The following CAND2 variants were observed in gnomAD, a reference collection of about 807,000 sequenced individuals.
CAND2 encodes cullin associated and neddylation dissociated 2 (putative), also known as cullin-associated NEDD8-dissociated protein 2.
In CAND2, 62 loss-of-function variants were observed where a neutral mutation model predicts 98.9. The observed-to-expected ratio is 0.63, with a 90% CI of 0.51 to 0.77. The LOEUF is 0.77. CAND2 is among the 30% of genes least tolerant of loss of function. The pLI, the probability that CAND2 is intolerant of heterozygous loss-of-function variation, is 0.00. For missense variants in CAND2, 1,501 were observed against 1,655.2 expected, an observed-to-expected ratio of 0.91 and a Z score of 1.62; for synonymous variants, 770 against 731.9, an observed-to-expected ratio of 1.05 and a Z score of -0.84.
Position 12,810,230 on chromosome 3 carries a change from G to A in CAND2, c.663G>A (p.Arg221=), listed in dbSNP as rs950998440. 18 of 1,537,154 alleles carry A rather than the reference G, an allele frequency of 1.2e-5. No homozygotes were observed. The Admixed American group carries it at 1.8e-4, about 15-fold the overall frequency. The change falls in exon 5 of 15, where the codon CGG becomes CGA. Residue 221 remains arginine, a synonymous_variant. Coordinates refer to ENST00000456430, the MANE Select transcript of CAND2 (RefSeq NM_001162499.2). ...AGCTCGCTGACCACCTACTGGACCGGCTGCCCGGCCCGCGGGTGCCCACCA... is the reference window on the plus strand; with the variant it reads ...AGCTCGCTGACCACCTACTGGACCGACTGCCCGGCCCGCGGGTGCCCACCA... ...FVELADHLLD[R]LPGPRVPTSP...
In CAND2 at chr3:12,816,634, G is replaced by A. The variant is rs2061905711; in HGVS notation, c.1702G>A (p.Gly568Arg). Residue 568 changes from glycine (G) to arginine (R), a missense_variant, in exon 10 of 15, where the codon GGA becomes AGA. Coordinates refer to ENST00000456430, the MANE Select transcript of CAND2 (RefSeq NM_001162499.2). ...GATGCTGGATCCTGAGCCATATGTTGGAGAGATGTCTGCTGTCACCCTGGC... is the reference window on the plus strand; with the variant it reads ...GATGCTGGATCCTGAGCCATATGTTAGAGAGATGTCTGCTGTCACCCTGGC... ...PRMLDPEPYV[G>R]EMSAVTLARL... 6.2e-7 allele frequency: 1 copy of A among 1,613,780 alleles called. No individual in the cohort carries two copies. The highest frequency in any genetic ancestry group is 8.5e-7 in the Non-Finnish European group (1 of 1,180,044).
At chr3:12,824,735 C>A (rs964355503) in intron 11 of CAND2, among the ~76,000 whole-genome samples, 1 of 152,046 alleles carries the variant, frequency 6.6e-6, no homozygotes, top group Non-Finnish European at 1.5e-5. Context: ...TGGTGAAACC[C>A]CGTCTCTACT....
At chr3:12,819,926 G>A (rs1260665553) in intron 10 of CAND2, among the ~76,000 whole-genome samples, 160 bp from the exon 11 acceptor site, 1 of 152,144 alleles carries the variant, frequency 6.6e-6, no homozygotes, top group African/African-American at 2.4e-5. Context: ...GAGATTCAAG[G>A]CTGCCAAGGG....
intron 13 of CAND2, among the ~76,000 whole-genome samples, chr3:12,830,021 G>A (rs1269516546): frequency 1.3e-5 from 2 of 152,148 alleles, no homozygotes; most frequent in Non-Finnish European, 2.9e-5. Flanking sequence ...CTAGGGTGGA[G>A]TGCATGTTCC....
chr3:12,818,224 A>G (rs2061925297), intron 10 of CAND2, among the ~76,000 whole-genome samples: 1 of 151,682 alleles, frequency 6.6e-6, no homozygotes, highest in Non-Finnish European at 1.5e-5. Context: ...TAGGAGTTTG[A>G]GACCAGCCTG....
chr3:12,801,993 C>T (rs753233636), intron 1 of CAND2, among the ~76,000 whole-genome samples: 2 of 152,094 alleles, frequency 1.3e-5, no homozygotes, highest in Admixed American at 1.3e-4. Context: ...GGCAGACAGG[C>T]CTCTAGCTCT....
intron 11 of CAND2, among the ~76,000 whole-genome samples, chr3:12,821,388 A>G (rs576589959): frequency 1.3e-5 from 2 of 152,250 alleles, no homozygotes; most frequent in South Asian, 4.2e-4. Flanking sequence ...CAACAAGAGC[A>G]AAACTCTGTC....
Position 12,815,536 on chromosome 3 carries a change from A to G in CAND2, c.1299+103A>G, listed in dbSNP as rs1339455212. The G allele has an allele frequency of 9.7e-6, 11 of 1,131,220 alleles. No homozygotes were observed. The East Asian group carries it at 2.2e-4, about 23-fold the overall frequency. 70.1% of individuals were successfully genotyped at this position (1,131,220 alleles called of 1,614,324 possible). A position where few individuals can be genotyped will look rare whatever the true frequency, so the allele number is the denominator to read the frequency against. On this transcript the variant is annotated intron_variant, in intron 8 of 14. Coordinates refer to ENST00000456430, the MANE Select transcript of CAND2 (RefSeq NM_001162499.2). This position sits in a 1 kb window ranked among gnomAD's most constrained non-coding sequence, Gnocchi z 5.7. The stretch of plus-strand genomic sequence containing the variant: ...AACTCAGCTGGGAGAACATCCAGCC[A>G]TGGAAGGGAAGGGAAGGGGTCCCTG...
chr3:12,816,009 G>A lies in CAND2; in HGVS notation c.1441+1G>A, dbSNP rs1208117405. On this transcript the variant is annotated splice_donor_variant, in intron 9 of 14. Transcript: ENST00000456430. LOFTEE classifies it high-confidence loss of function. ...GAGCATATGCCTGTGCTGGTATCAG[G>A]TAGGCTGGACTGCAACCAGGTATCT... is the stretch of plus-strand genomic sequence containing the variant. 1 of 1,613,122 alleles carries A rather than the reference G, an allele frequency of 6.2e-7. No individual in the cohort carries two copies. The highest frequency in any genetic ancestry group is 8.5e-7 in the Non-Finnish European group (1 of 1,179,452).
At chr3:12,816,143 C>T in intron 9 of CAND2, 135 bp downstream of exon 9, 1 of 928,890 alleles carries the variant, frequency 1.1e-6, no homozygotes, top group Non-Finnish European at 1.6e-6. Context: ...CAAGAGTCTC[C>T]AGTGGCCTCC....
chr3:12,827,343 A>G, intron 12 of CAND2, 97 bp from the exon 13 acceptor site: 1 of 1,215,952 alleles, frequency 8.2e-7, no homozygotes, highest in South Asian at 1.4e-5. Flanking sequence ...TGGGGCTGGC[A>G]TGGATTGTGG....
At chr3:12,829,303 G>T (rs1368042514) in intron 13 of CAND2, among the ~76,000 whole-genome samples, 1 of 152,024 alleles carries the variant, frequency 6.6e-6, no homozygotes, top group Non-Finnish European at 1.5e-5. Flanking sequence ...GCACCACCAC[G>T]CTCGGCTAAT....
At position 12,827,592 on chromosome 3, in the gene CAND2, C is replaced by G; in HGVS notation, c.3363C>G (p.His1121Gln). The G allele has an allele frequency of 6.2e-7, 1 of 1,611,328 alleles. No homozygotes were observed. The highest frequency in any genetic ancestry group is 8.5e-7 in the Non-Finnish European group (1 of 1,178,456). ...LNHVEDGLKD[H>Q]YDIRMLTFIM... ...ATGTGGAGGACGGGCTGAAGGACCA[C>G]TACGACATCCGGGTAAGACCAAGCC... is the stretch of plus-strand genomic sequence containing the variant. Residue 1121 changes from histidine to glutamine, a missense_variant, in exon 13 of 15, where the codon CAC becomes CAG. Transcript: ENST00000456430.
At position 12,815,261 on chromosome 3, in the gene CAND2, C is replaced by T. The variant is rs2061888045; in HGVS notation, c.1127C>T (p.Thr376Ile). ...GACCTGCTGCCCGATTTCCACTGCACCCTGGCACCTGTGCTCATCCGCCGC... is the reference window on the plus strand; with the variant it reads ...GACCTGCTGCCCGATTTCCACTGCATCCTGGCACCTGTGCTCATCCGCCGC... ...RPDLLPDFHC[T>I]LAPVLIRRFK... is the part of the protein sequence containing the mutation. The change falls in exon 8 of 15, where the codon ACC becomes ATC. Residue 376 changes from threonine (T) to isoleucine (I), a missense_variant. Around this residue, in one of 3 missense-constraint regions of CAND2, gnomAD observed 1,427 missense variants for 1,545.3 expected, o/e 0.92. Transcript: ENST00000456430. The surrounding 1 kb of genome is among the most constrained non-coding windows in gnomAD (Gnocchi z 5.7). 6.2e-7 allele frequency: 1 copy of T among 1,613,932 alleles called. No individual in the cohort carries two copies. The highest frequency in any genetic ancestry group is 8.5e-7 in the Non-Finnish European group (1 of 1,180,052).
At chr3:12,827,390 G>A (rs578103320) in intron 12 of CAND2, 50 bp from the exon 13 acceptor site, 210 of 1,545,360 alleles carry the variant, frequency 1.4e-4, no homozygotes, top group Non-Finnish European at 1.8e-4. Context: ...AGCTAGAAGA[G>A]GTGTCCTTAC....
rs771568994 is a variant in CAND2, at chr3:12,813,231, C to T, written c.864-15C>T. On this transcript the variant is annotated splice_polypyrimidine_tract_variant and intron_variant, in intron 6 of 14. Transcript: ENST00000456430. ...TGGCTGGATCCAGCAAAGCATTCCT[C>T]ATCCTGCCCCACAGGTGCCCCAAGG... 7 of 1,611,760 alleles carry T rather than the reference C, an allele frequency of 4.3e-6. No homozygotes were observed. Among genetic ancestry groups the T allele is most frequent in the Non-Finnish European group, 5.9e-6 (7 of 1,179,196 alleles).
chr3:12,819,299 T>C (rs1016151442), intron 10 of CAND2, among the ~76,000 whole-genome samples: 2 of 152,198 alleles, frequency 1.3e-5, no homozygotes, highest in Non-Finnish European at 2.9e-5. Flanking sequence ...TGGTAAACTT[T>C]TCCTCGAGGC....
In CAND2 at chr3:12,816,310, C is replaced by T. The variant is rs2061900324; in HGVS notation, c.1442-64C>T. On this transcript the variant is annotated intron_variant, in intron 9 of 14. Coordinates refer to ENST00000456430, the MANE Select transcript of CAND2 (RefSeq NM_001162499.2). Reference sequence around the variant, plus strand: ...GGCACTTGTAGGTACCCCAGCCTTGCTTCCAGGGAGGGCCGTGTTGCATCA... The same window carrying T: ...GGCACTTGTAGGTACCCCAGCCTTGTTTCCAGGGAGGGCCGTGTTGCATCA... The T allele has an allele frequency of 6.0e-6, 9 of 1,491,066 alleles. No homozygotes were observed. In the South Asian group the frequency reaches 1.0e-4, roughly 17 times the overall value. 92.4% of individuals were successfully genotyped at this position (1,491,066 alleles called of 1,614,324 possible).
chr3:12,834,069 T>C lies in CAND2; in HGVS notation c.*87T>C, dbSNP rs1490401133. The C allele has an allele frequency of 9.0e-7, 1 of 1,114,878 alleles. No individual in the cohort carries two copies. Among genetic ancestry groups the C allele is most frequent in the Non-Finnish European group, 1.3e-6 (1 of 751,752 alleles). The allele number at this position is 1,114,878 out of a possible 1,614,324, so 69.1% of individuals were successfully genotyped here. A position where few individuals can be genotyped will look rare whatever the true frequency, so the allele number is the denominator to read the frequency against. ...TCCCCATCCCACCATCGCAGGTCTCTACTTTTGCCCTTCCACCATCTCACT... is the reference window on the plus strand; with the variant it reads ...TCCCCATCCCACCATCGCAGGTCTCCACTTTTGCCCTTCCACCATCTCACT... On this transcript the variant is annotated 3_prime_UTR_variant, in exon 15 of 15. Coordinates refer to ENST00000456430, the MANE Select transcript of CAND2 (RefSeq NM_001162499.2).
Sources: gnomAD v4.1 joint callset for allele counts (sites outside exome capture counted in the v4.1 genomes callset) on GRCh38, gnomAD v4.1.1 for gene constraint, gnomAD v4.1.1 regional missense constraint, Gnocchi (gnomAD v3.1) non-coding constraint, MANE v1.5 for transcripts, NCBI Gene and HGNC (gene_info 2026-07-23, HGNC 2026-07-21) for gene names.